The following PLEKHM3 variants were observed in gnomAD, a reference collection of about 807,000 sequenced individuals.
PLEKHM3 encodes pleckstrin homology domain containing M3, also known as pleckstrin homology domain-containing family M member 3.
Under a neutral mutation model 81.8 loss-of-function variants are expected in PLEKHM3, and 45 were observed. The ratio of observed to expected loss-of-function variants is 0.55; its 90% CI spans 0.43 to 0.71. The LOEUF (loss-of-function observed/expected upper bound fraction) is 0.71. PLEKHM3 is among the 30% of genes least tolerant of loss of function. The probability of loss-of-function intolerance (pLI) is 0.00; values close to 1 mark genes in which losing one functional copy is unlikely to be tolerated. For synonymous variants in PLEKHM3, 352 were observed against 356.4 expected, an observed-to-expected ratio of 0.99 and a Z score of 0.14; for missense variants, 788 against 924.3, an observed-to-expected ratio of 0.85 and a Z score of 1.91.
At chr2:207,903,680 A>T (rs1305374219) in intron 6 of PLEKHM3, among the ~76,000 whole-genome samples, 2 of 152,230 alleles carry the variant, frequency 1.3e-5, no homozygotes, top group Non-Finnish European at 2.9e-5. Context: ...TTTGCTCCTT[A>T]AGAACAACTA....
At chr2:207,906,077 A>G (rs1046362970) in intron 6 of PLEKHM3, among the ~76,000 whole-genome samples, 2 of 152,218 alleles carry the variant, frequency 1.3e-5, no homozygotes, top group African/African-American at 4.8e-5. Context: ...CAGATATCAA[A>G]ACTCACGTTT....
intron 4 of PLEKHM3, 129 bp downstream of exon 4, chr2:207,946,238 C>T: frequency 9.5e-7 from 1 of 1,051,784 alleles, no homozygotes; most frequent in Non-Finnish European, 1.4e-6. Flanking sequence ...TAGGTAAGGT[C>T]TTGCAGCTTT....
chr2:207,964,931 G>A lies in PLEKHM3; in HGVS notation c.1546+11720C>T, dbSNP rs115900077. On this transcript the variant is annotated intron_variant, in intron 3 of 7. Coordinates refer to ENST00000427836, the MANE Select transcript of PLEKHM3 (RefSeq NM_001080475.3). ...GTCCAAGTTTGCTGAATGTACAAAT[G>A]ATTAGATGAAAATATTAATGCAAGA... Among the ~76,000 whole-genome samples the A allele has an allele frequency of 7.2e-3, 1,097 of 152,262 alleles. 17 individuals carry two copies. The highest frequency in any genetic ancestry group is 0.025 in the African/African-American group (1,038 of 41,554).
chr2:207,938,030 A>G (rs1689813154), intron 4 of PLEKHM3, among the ~76,000 whole-genome samples: 1 of 152,220 alleles, frequency 6.6e-6, no homozygotes. Flanking sequence ...ATACCTCTCA[A>G]GATGTAGAAA....
At chr2:207,844,303 C>CTTTTTTTT (rs377510756) in intron 7 of PLEKHM3, among the ~76,000 whole-genome samples, 1 of 125,074 alleles carries the variant, frequency 8.0e-6, no homozygotes, top group Non-Finnish European at 1.7e-5. Flanking sequence ...ATTTATTTTT[C>CTTTTTTTT]TTTTTTTTTT....
chr2:207,952,966 A>G (rs1412020193), intron 3 of PLEKHM3, among the ~76,000 whole-genome samples: 1 of 152,256 alleles, frequency 6.6e-6, no homozygotes, highest in Non-Finnish European at 1.5e-5. Flanking sequence ...GTGACCCATA[A>G]AGTAGGAGCT....
intron 3 of PLEKHM3, among the ~76,000 whole-genome samples, chr2:207,969,304 C>T (rs1284898702): frequency 1.3e-5 from 2 of 152,182 alleles, no homozygotes; most frequent in Non-Finnish European, 2.9e-5. Context: ...TTAAGAATTG[C>T]TATTCTACAT....
chr2:207,902,978 A>G (rs1194231060), intron 6 of PLEKHM3, among the ~76,000 whole-genome samples: 1 of 152,150 alleles, frequency 6.6e-6, no homozygotes, highest in African/African-American at 2.4e-5. Flanking sequence ...CCAGAAAGGT[A>G]GTGTACATCT....
chr2:207,832,159 G>C (rs1399927590), intron 7 of PLEKHM3, among the ~76,000 whole-genome samples: 1 of 152,088 alleles, frequency 6.6e-6, no homozygotes, highest in Non-Finnish European at 1.5e-5. Flanking sequence ...TGAACAAAAA[G>C]CATGAGATAA....
chr2:207,846,238 GT>G (rs2092381551), intron 7 of PLEKHM3, among the ~76,000 whole-genome samples: 1 of 152,074 alleles, frequency 6.6e-6, no homozygotes, highest in South Asian at 2.1e-4. Flanking sequence ...CGCCTCCTGG[GT>G]TTAAGCAGTT....
chr2:207,977,899 C>T (rs1256692985), intron 2 of PLEKHM3, among the ~76,000 whole-genome samples: 2 of 152,010 alleles, frequency 1.3e-5, no homozygotes, highest in South Asian at 4.2e-4. Flanking sequence ...CCAACCTAGG[C>T]AACATAGTGA....
At chr2:207,842,923 T>A (rs1364265931) in intron 7 of PLEKHM3, among the ~76,000 whole-genome samples, 1 of 152,138 alleles carries the variant, frequency 6.6e-6, no homozygotes, top group East Asian at 1.9e-4. Context: ...GGCGGAAGCA[T>A]CGAGCTGTGC....
At chr2:207,927,329 A>C (rs1165437335) in intron 5 of PLEKHM3, among the ~76,000 whole-genome samples, 10 of 152,184 alleles carry the variant, frequency 6.6e-5, no homozygotes, top group Admixed American at 6.5e-4. Flanking sequence ...CAGCCTGGGC[A>C]ACATGGTGAA....
At chr2:207,935,535 G>GT (rs1689722814) in intron 4 of PLEKHM3, among the ~76,000 whole-genome samples, 1 of 152,068 alleles carries the variant, frequency 6.6e-6, no homozygotes, top group Non-Finnish European at 1.5e-5. Context: ...TCCTTTTTGC[G>GT]TAACACCTAC....
rs1198561489 is a variant in PLEKHM3, at chr2:207,861,294, A to C, written c.1951-32T>G. The C allele has an allele frequency of 1.9e-6, 3 of 1,607,432 alleles. No homozygotes were observed. The East Asian group carries it at 6.7e-5, about 36-fold the overall frequency. On this transcript the variant is annotated intron_variant, in intron 6 of 7. Transcript: ENST00000427836. Reference sequence around the variant, plus strand: ...AAAGAGAAATGGGACAGGGAAGCACATTTATTGAGAACAGAAGTCTTGTAC... The same window carrying C: ...AAAGAGAAATGGGACAGGGAAGCACCTTTATTGAGAACAGAAGTCTTGTAC...
At chr2:207,907,514 A>G (rs1158368160) in intron 6 of PLEKHM3, among the ~76,000 whole-genome samples, 2 of 150,118 alleles carry the variant, frequency 1.3e-5, no homozygotes, top group African/African-American at 4.9e-5. Context: ...AAACGAAAGG[A>G]AAAAAAAAAG....
intron 5 of PLEKHM3, among the ~76,000 whole-genome samples, chr2:207,913,836 C>T (rs1688891185): frequency 1.3e-5 from 2 of 151,902 alleles, no homozygotes; most frequent in Admixed American, 6.6e-5. Context: ...ACTGATGAAG[C>T]CTGGCCTTCA....
chr2:207,971,985 A>G (rs1691137752), intron 3 of PLEKHM3, among the ~76,000 whole-genome samples: 1 of 152,212 alleles, frequency 6.6e-6, no homozygotes, highest in Admixed American at 6.5e-5. Flanking sequence ...CATCTCTGAG[A>G]GTTCTCTAAC....
At chr2:207,865,800 AAAGATATATATATATAT>A (rs1263648006) in intron 6 of PLEKHM3, among the ~76,000 whole-genome samples, 2 of 44,160 alleles carry the variant, frequency 4.5e-5, no homozygotes, top group African/African-American at 3.1e-4. Flanking sequence ...AAAAAAAAAA[AAAGATATATATATATAT>A]ATATATATAT....
Sources: gnomAD v4.1 joint callset for allele counts (sites outside exome capture counted in the v4.1 genomes callset) on GRCh38, gnomAD v4.1.1 for gene constraint, MANE v1.5 for transcripts, NCBI Gene and HGNC (gene_info 2026-07-23, HGNC 2026-07-21) for gene names.